Variants in SLC9A9 observed in about 807,000 individuals in gnomAD.
SLC9A9 encodes the protein solute carrier family 9 member A9.
A neutral mutation model predicts 77.8 loss-of-function variants in SLC9A9; 62 were observed. That is an observed-to-expected ratio of 0.80 (90% confidence interval 0.65 to 0.98). The LOEUF (loss-of-function observed/expected upper bound fraction) is 0.98. SLC9A9 is among the 50% of genes least tolerant of loss of function. SLC9A9 has a pLI of 0.00. For missense variants in SLC9A9, 775 were observed against 774.9 expected (o/e 1.00, Z 0.00); for synonymous variants, 320 against 283.5 (o/e 1.13, Z -1.29).
chr3:143,826,764 A>G (rs576474897), intron 2 of SLC9A9, among the ~76,000 whole-genome samples: 2 of 152,140 alleles, frequency 1.3e-5, no homozygotes, highest in South Asian at 4.2e-4. Flanking sequence ...TTCCTTCTGC[A>G]TGGAATTCCT....
intron 4 of SLC9A9, among the ~76,000 whole-genome samples, chr3:143,718,175 A>G (rs1156440673): frequency 6.6e-6 from 1 of 152,194 alleles, no homozygotes; most frequent in Non-Finnish European, 1.5e-5. Flanking sequence ...GAAAACATTA[A>G]GAACAAAAGG....
At chr3:143,339,736 C>G (rs2032040441) in intron 14 of SLC9A9, among the ~76,000 whole-genome samples, 1 of 152,156 alleles carries the variant, frequency 6.6e-6, no homozygotes, top group Non-Finnish European at 1.5e-5. Flanking sequence ...CACGTCTACT[C>G]TGATAGTTTC....
intron 4 of SLC9A9, among the ~76,000 whole-genome samples, chr3:143,694,398 C>T (rs994260995): frequency 1.3e-5 from 2 of 152,012 alleles, no homozygotes; most frequent in African/African-American, 4.8e-5. Context: ...GTAGGGATAA[C>T]AGTAATAGCC....
intron 13 of SLC9A9, among the ~76,000 whole-genome samples, chr3:143,373,818 A>C (rs1559887651): frequency 1.3e-5 from 2 of 152,118 alleles, no homozygotes; most frequent in Non-Finnish European, 2.9e-5. Flanking sequence ...AAGTGATATG[A>C]GAAAAAAATA....
At chr3:143,451,177 A>G (rs1355679907) in intron 12 of SLC9A9, among the ~76,000 whole-genome samples, 1 of 151,636 alleles carries the variant, frequency 6.6e-6, no homozygotes, top group Non-Finnish European at 1.5e-5. Flanking sequence ...AAAAAAAAAG[A>G]GGAAAAGAAG....
At chr3:143,798,074 A>T (rs1014453222) in intron 2 of SLC9A9, among the ~76,000 whole-genome samples, 32 of 152,158 alleles carry the variant, frequency 2.1e-4, no homozygotes, top group Admixed American at 1.4e-3. Flanking sequence ...ACATCTCACC[A>T]ATTTTAAATC....
At chr3:143,759,747 C>T (rs1011845864) in intron 4 of SLC9A9, among the ~76,000 whole-genome samples, 3 of 151,984 alleles carry the variant, frequency 2.0e-5, no homozygotes, top group Non-Finnish European at 4.4e-5. Flanking sequence ...TTTCTATCTC[C>T]CCATATTTAT....
intron 9 of SLC9A9, among the ~76,000 whole-genome samples, chr3:143,540,058 GAAAAA>G (rs2036660860): frequency 5.3e-5 from 8 of 152,158 alleles, no homozygotes; most frequent in South Asian, 4.2e-4. Flanking sequence ...GGATGAGAAA[GAAAAA>G]TTAAGGGAAG....
intron 4 of SLC9A9, among the ~76,000 whole-genome samples, chr3:143,765,128 T>C (rs2007271872): frequency 6.6e-6 from 1 of 150,708 alleles, no homozygotes; most frequent in Non-Finnish European, 1.5e-5. Context: ...TCTTTCTCTC[T>C]TTCTTTCTTT....
intron 14 of SLC9A9, among the ~76,000 whole-genome samples, chr3:143,321,806 A>T (rs1407757762): frequency 6.6e-6 from 1 of 151,974 alleles, no homozygotes; most frequent in African/African-American, 2.4e-5. Context: ...TTTAAGGAAG[A>T]CTCTATTCAC....
At chr3:143,405,069 G>T (rs893785504) in intron 12 of SLC9A9, among the ~76,000 whole-genome samples, 1 of 152,132 alleles carries the variant, frequency 6.6e-6, no homozygotes, top group African/African-American at 2.4e-5. Flanking sequence ...GGCATCCAAG[G>T]GGGTGTAACC....
intron 13 of SLC9A9, among the ~76,000 whole-genome samples, chr3:143,375,969 G>A (rs1171810055): frequency 6.6e-6 from 1 of 152,156 alleles, no homozygotes; most frequent in Non-Finnish European, 1.5e-5. Flanking sequence ...ACATCTGCAT[G>A]AATAAGAGCT....
At chr3:143,323,598 A>C (rs2031487235) in intron 14 of SLC9A9, among the ~76,000 whole-genome samples, 1 of 152,166 alleles carries the variant, frequency 6.6e-6, no homozygotes, top group Admixed American at 6.5e-5. Context: ...GAAGATGAAG[A>C]GAAGTGACTT....
In SLC9A9 at chr3:143,513,184, T is replaced by C. The variant is rs115577645; in HGVS notation, c.1090-17736A>G. Among the ~76,000 whole-genome samples the C allele has an allele frequency of 6.8e-3, 1,038 of 152,336 alleles. 4 individuals are homozygous for C. The highest frequency in any genetic ancestry group is 0.013 in the Non-Finnish European group (861 of 68,016). On this transcript the variant is annotated intron_variant, in intron 9 of 15. Transcript: ENST00000316549. ...CTATTTGATAGAATTTTACCCACAA[T>C]AGAACTTCTTTCCAAATTAGAGTCA...
chr3:143,836,011 A>G (rs2009558106), intron 1 of SLC9A9, among the ~76,000 whole-genome samples: 2 of 152,226 alleles, frequency 1.3e-5, no homozygotes, highest in Non-Finnish European at 2.9e-5. Flanking sequence ...ACCTAGGATG[A>G]CAGCAGAGTG....
intron 11 of SLC9A9, among the ~76,000 whole-genome samples, chr3:143,492,172 G>T (rs886501613): frequency 1.3e-5 from 2 of 151,756 alleles, no homozygotes; most frequent in African/African-American, 4.8e-5. Flanking sequence ...GGCGCCTGTA[G>T]TCCCAGCTAC....
intron 8 of SLC9A9, among the ~76,000 whole-genome samples, chr3:143,560,657 T>C (rs572041723): frequency 1.2e-4 from 18 of 151,874 alleles, no homozygotes; most frequent in African/African-American, 3.6e-4. Flanking sequence ...AATATTGGAA[T>C]GTGAAAAAAT....
intron 12 of SLC9A9, among the ~76,000 whole-genome samples, chr3:143,434,004 C>T (rs996443797): frequency 9.2e-5 from 14 of 152,164 alleles, no homozygotes; most frequent in Non-Finnish European, 1.9e-4. Flanking sequence ...TCACCTACCT[C>T]TTAACTTCAT....
At chr3:143,822,169 C>T (rs564745296) in intron 2 of SLC9A9, among the ~76,000 whole-genome samples, 1 of 152,300 alleles carries the variant, frequency 6.6e-6, no homozygotes, top group East Asian at 1.9e-4. Flanking sequence ...AGGAGGCAGC[C>T]ACAATTGTTG....
Sources: allele counts gnomAD v4.1 joint callset (sites outside exome capture counted in the v4.1 genomes callset), GRCh38; gene constraint gnomAD v4.1.1; transcripts MANE v1.5; gene names NCBI Gene and HGNC (gene_info 2026-07-23, HGNC 2026-07-21).